The following PFKFB1 variants were observed in gnomAD, a reference collection of about 807,000 sequenced individuals.
PFKFB1 encodes the protein 6-phosphofructo-2-kinase/fructose-2,6-biphosphatase 1.
Under a neutral mutation model 46.4 loss-of-function variants are expected in PFKFB1, and 34 were observed. That is an observed-to-expected ratio of 0.73 (90% CI 0.56 to 0.98). The LOEUF (loss-of-function observed/expected upper bound fraction) is 0.98, where lower values mean the gene tolerates loss of function less well. Among genes scored for constraint, PFKFB1 ranks in the 50% least tolerant of loss-of-function variants. The pLI, the probability that PFKFB1 is intolerant of heterozygous loss-of-function variation, is 0.00. For synonymous variants in PFKFB1, 119 were observed against 133.8 expected (o/e 0.89, Z 0.76); for missense variants, 393 against 376.3 (o/e 1.04, Z -0.37).
At chrX:54,992,271 A>G (rs747722857) in intron 1 of PFKFB1, among the ~76,000 whole-genome samples, 2 of 112,124 alleles carry the variant, frequency 1.8e-5, no homozygotes, top group South Asian at 3.7e-4. Flanking sequence ...TCTTGTTTAT[A>G]TAACAAGAAC....
intron 1 of PFKFB1, among the ~76,000 whole-genome samples, chrX:54,965,290 G>A (rs758602946): frequency 1.6e-4 from 18 of 111,500 alleles, no homozygotes; most frequent in African/African-American, 5.8e-4. Context: ...ATAAAATCTT[G>A]AAGATTGCCA....
upstream of PFKFB1, among the ~76,000 whole-genome samples, chrX:54,995,178 C>G (rs772643941): frequency 6.3e-5 from 7 of 111,483 alleles, no homozygotes; most frequent in Non-Finnish European, 9.4e-5. Flanking sequence ...ACTCATAGAA[C>G]TGCACAGCTT....
chrX:54,995,142 G>A (rs965612884), upstream of PFKFB1, among the ~76,000 whole-genome samples: 3 of 111,514 alleles, frequency 2.7e-5, no homozygotes, highest in Non-Finnish European at 3.8e-5. Flanking sequence ...CCCCTGACCC[G>A]TTGTTTTGAG....
At chrX:54,966,817 A>C (rs1934491714) in intron 1 of PFKFB1, among the ~76,000 whole-genome samples, 1 of 112,104 alleles carries the variant, frequency 8.9e-6, no homozygotes, top group Non-Finnish European at 1.9e-5. Flanking sequence ...AAGAGAAAAC[A>C]GAAATGAGAG....
At chrX:54,973,502 A>C (rs1414946485) in intron 1 of PFKFB1, among the ~76,000 whole-genome samples, 1 of 108,306 alleles carries the variant, frequency 9.2e-6, no homozygotes, top group Non-Finnish European at 1.9e-5. Context: ...CCCTCTACAC[A>C]CTGCTTTGAA....
chrX:54,983,738 C>T lies in PFKFB1; in HGVS notation c.97+10173G>A, dbSNP rs1935052332. Among the ~76,000 whole-genome samples, 4 of 112,071 alleles carry T rather than the reference C, an allele frequency of 3.6e-5. No homozygotes were observed. In the South Asian group the frequency reaches 1.5e-3, roughly 41 times the overall value. On this transcript the variant is annotated intron_variant, in intron 1 of 13. Transcript: ENST00000375006. ...TTCTGTTTTTAGCTCTTTGATGAATCACTACACTGCTTTCCACATGGTTGA... is the reference window on the plus strand; with the variant it reads ...TTCTGTTTTTAGCTCTTTGATGAATTACTACACTGCTTTCCACATGGTTGA...
At chrX:54,945,978 TTGTG>T (rs1933802251) in intron 9 of PFKFB1, among the ~76,000 whole-genome samples, 1 of 108,793 alleles carries the variant, frequency 9.2e-6, no homozygotes, top group African/African-American at 3.4e-5. Context: ...TGCCTTGTGT[TTGTG>T]TATTTGTCTC....
upstream of PFKFB1, among the ~76,000 whole-genome samples, chrX:54,995,981 C>T (rs1237424421): frequency 8.9e-6 from 1 of 112,416 alleles, no homozygotes; most frequent in African/African-American, 3.2e-5. Flanking sequence ...TCATCTCACC[C>T]TCTCAGGTAA....
rs1933273334 is a variant in PFKFB1, at chrX:54,933,147, C to G, written c.*256G>C. The G allele has an allele frequency of 5.2e-6, 2 of 382,841 alleles. No homozygotes were observed. The highest frequency in any genetic ancestry group is 9.1e-6 in the Non-Finnish European group (2 of 219,938). 31.6% of individuals were successfully genotyped at this position (382,841 alleles called of 1,213,427 possible). ...ACAACTGGAAAAGCCTCGCCATGAC[C>G]TCCTCCTCTCCTCTTGTAGGCAGTA... On this transcript the variant is annotated 3_prime_UTR_variant, in exon 14 of 14. Coordinates refer to ENST00000375006, the MANE Select transcript of PFKFB1 (RefSeq NM_002625.4).
Position 54,963,254 on chromosome X carries a change from T to C in PFKFB1, c.223+3A>G. On this transcript the variant is annotated splice_donor_region_variant and intron_variant, in intron 2 of 13. Transcript: ENST00000375006. Reference sequence around the variant, plus strand: ...TGTTGAACAAAGGCTTTCAGAGACATACCTTTAGTTGGTGTTCCTATCCAG... The same window carrying C: ...TGTTGAACAAAGGCTTTCAGAGACACACCTTTAGTTGGTGTTCCTATCCAG... 2 of 1,209,484 alleles carry C rather than the reference T, an allele frequency of 1.7e-6. No individual in the cohort carries two copies. The highest frequency in any genetic ancestry group is 2.2e-6 in the Non-Finnish European group (2 of 893,875).
At chrX:54,949,424 C>CAGAGAG (rs3028350) in intron 8 of PFKFB1, among the ~76,000 whole-genome samples, 121 of 93,937 alleles carry the variant, frequency 1.3e-3, no homozygotes, top group Middle Eastern at 5.7e-3. Flanking sequence ...AAGAGCATGA[C>CAGAGAG]AGAGAGAGAG....
intron 1 of PFKFB1, among the ~76,000 whole-genome samples, chrX:54,973,734 T>C (rs1934753813): frequency 9.0e-6 from 1 of 111,232 alleles, no homozygotes; most frequent in Non-Finnish European, 1.9e-5. Context: ...TTCTTTTACA[T>C]TTGCCGAGGA....
At chrX:54,994,421 G>A, upstream of PFKFB1, 3 of 753,551 alleles carry the variant, frequency 4.0e-6, no homozygotes, top group Non-Finnish European at 4.7e-6. Context: ...AAGATCATGT[G>A]CTTACAGCCT....
At position 54,966,789 on chromosome X, in the gene PFKFB1, G is replaced by A. The variant is rs1336680156; in HGVS notation, c.98-3407C>T. On this transcript the variant is annotated intron_variant, in intron 1 of 13. Coordinates refer to ENST00000375006, the MANE Select transcript of PFKFB1 (RefSeq NM_002625.4). The stretch of plus-strand genomic sequence containing the variant: ...TTGTTTCTGGAAATGCTACAACCAT[G>A]ACAGTGGGTAGTTTTTGAAGAGAAA... 3.6e-5 allele frequency among the ~76,000 whole-genome samples: 4 copies of A among 111,621 alleles called. No individual in the cohort carries two copies. In the East Asian group the frequency reaches 8.5e-4, roughly 24 times the overall value.
At chrX:54,961,773 C>A (rs1387583103) in intron 2 of PFKFB1, among the ~76,000 whole-genome samples, 1 of 112,063 alleles carries the variant, frequency 8.9e-6, no homozygotes, top group Non-Finnish European at 1.9e-5. Flanking sequence ...ACTAATTGTA[C>A]TTGGAATGAT....
chrX:54,955,225 G>A (rs1430895533), intron 7 of PFKFB1, among the ~76,000 whole-genome samples: 1 of 111,428 alleles, frequency 9.0e-6, no homozygotes, highest in Non-Finnish European at 1.9e-5. Flanking sequence ...ACTTTGACTT[G>A]ATCTGGGTCT....
chrX:54,961,001 A>G, intron 2 of PFKFB1, 84 bp from the exon 3 acceptor site: 3 of 529,879 alleles, frequency 5.7e-6, no homozygotes. Flanking sequence ...CCTCAGAGGT[A>G]GAAGAAGGTA....
Position 54,945,555 on chromosome X carries a change from T to C in PFKFB1, c.994-12A>G. The stretch of plus-strand genomic sequence containing the variant: ...TCCTCACAGACACCCTGAGAAAAAG[T>C]ATTTGGGGGCGAAAGTATTCACAAG... On this transcript the variant is annotated splice_polypyrimidine_tract_variant and intron_variant, in intron 9 of 13. Transcript: ENST00000375006. The C allele has an allele frequency of 9.7e-7, 1 of 1,025,738 alleles. No homozygotes were observed. Among genetic ancestry groups the C allele is most frequent in the African/African-American group, 1.8e-5 (1 of 54,055 alleles). The allele number at this position is 1,025,738 out of a possible 1,213,427, so 84.5% of individuals were successfully genotyped here.
upstream of PFKFB1, among the ~76,000 whole-genome samples, chrX:54,997,482 C>G (rs1427653177): frequency 8.9e-6 from 1 of 111,790 alleles, no homozygotes. Context: ...CCCCATACCC[C>G]TCCCAAAGTA....
Sources: gnomAD v4.1 joint callset for allele counts (sites outside exome capture counted in the v4.1 genomes callset) on GRCh38, gnomAD v4.1.1 for gene constraint, MANE v1.5 for transcripts, NCBI Gene and HGNC (gene_info 2026-07-23, HGNC 2026-07-21) for gene names.